Variants in BMAL1 observed in about 807,000 individuals in gnomAD.
The protein encoded by BMAL1 is basic helix-loop-helix ARNT-like protein 1.
the BMAL1 span, among the ~76,000 whole-genome samples, chr11:13,366,412 G>A: frequency 1.3e-3 from 201 of 152,280 alleles, no homozygotes; most frequent in African/African-American, 4.6e-3. Flanking sequence ...TTCCAAGATT[G>A]TTGCCTTAGA....
At chr11:13,378,560 G>T in the BMAL1 span, 1 of 1,415,818 alleles carries the variant, frequency 7.1e-7, no homozygotes, top group Admixed American at 2.3e-5. Context: ...TCACAACTGG[G>T]TGGGAGGTTG....
the BMAL1 span, among the ~76,000 whole-genome samples, chr11:13,288,596 A>G: frequency 6.6e-6 from 1 of 151,720 alleles, no homozygotes; most frequent in African/African-American, 2.4e-5. Flanking sequence ...GGCAATGGAT[A>G]ACCACTGGAT....
chr11:13,376,003 C>T, the BMAL1 span, among the ~76,000 whole-genome samples: 1 of 152,212 alleles, frequency 6.6e-6, no homozygotes, highest in South Asian at 2.1e-4. Flanking sequence ...AGCAACATTT[C>T]CTTCCAGATA....
At chr11:13,294,380 C>T in the BMAL1 span, among the ~76,000 whole-genome samples, 2 of 137,870 alleles carry the variant, frequency 1.5e-5, no homozygotes, top group African/African-American at 2.7e-5. Flanking sequence ...ATTCTCATCT[C>T]CTTCTCTGTG....
the BMAL1 span, among the ~76,000 whole-genome samples, chr11:13,290,775 A>G: frequency 6.6e-6 from 1 of 152,140 alleles, no homozygotes; most frequent in African/African-American, 2.4e-5. Flanking sequence ...TGTAAAAGCC[A>G]TGATTCAAAC....
chr11:13,383,345 G>A, the BMAL1 span, among the ~76,000 whole-genome samples: 1 of 152,166 alleles, frequency 6.6e-6, no homozygotes, highest in African/African-American at 2.4e-5. Flanking sequence ...GGGTCTGCAA[G>A]GTTAAAGCTA....
chr11:13,342,112 G>A, the BMAL1 span, among the ~76,000 whole-genome samples: 1 of 152,256 alleles, frequency 6.6e-6, no homozygotes, highest in East Asian at 1.9e-4. Flanking sequence ...TGTGGCTTCA[G>A]ATCCCATGTG....
the BMAL1 span, among the ~76,000 whole-genome samples, chr11:13,277,436 C>G: frequency 6.6e-6 from 1 of 152,174 alleles, no homozygotes; most frequent in African/African-American, 2.4e-5. Context: ...GGCGAGGAAC[C>G]CAGGGAGCGC....
the BMAL1 span, among the ~76,000 whole-genome samples, chr11:13,325,798 T>C: frequency 6.6e-6 from 1 of 152,176 alleles, no homozygotes. Context: ...TGATGAGGTG[T>C]GTCCCCTCTG....
At chr11:13,316,982 C>T in the BMAL1 span, among the ~76,000 whole-genome samples, 3 of 152,166 alleles carry the variant, frequency 2.0e-5, no homozygotes, top group African/African-American at 7.2e-5. Context: ...CCACCAAGCT[C>T]CCTTAGCCTC....
chr11:13,377,761 C>A, the BMAL1 span, among the ~76,000 whole-genome samples: 1 of 152,202 alleles, frequency 6.6e-6, no homozygotes, highest in Non-Finnish European at 1.5e-5. Context: ...ATGATGAATT[C>A]CTTGGAGGAG....
the BMAL1 span, among the ~76,000 whole-genome samples, chr11:13,280,039 G>A: frequency 2.0e-5 from 3 of 152,134 alleles, no homozygotes; most frequent in Non-Finnish European, 2.9e-5. Flanking sequence ...AAAGTAAGAC[G>A]GTTGAACTAG....
At chr11:13,309,580 G>T in the BMAL1 span, among the ~76,000 whole-genome samples, 1 of 152,232 alleles carries the variant, frequency 6.6e-6, no homozygotes, top group South Asian at 2.1e-4. Context: ...AAGTGAGTAG[G>T]TTATTTTTCC....
At chr11:13,342,251 C>T in the BMAL1 span, among the ~76,000 whole-genome samples, 1 of 152,294 alleles carries the variant, frequency 6.6e-6, no homozygotes, top group Admixed American at 6.5e-5. Context: ...GGCCAGTGAG[C>T]ACGCACTGGG....
At chr11:13,280,859 T>C in the BMAL1 span, among the ~76,000 whole-genome samples, 1 of 152,182 alleles carries the variant, frequency 6.6e-6, no homozygotes, top group Non-Finnish European at 1.5e-5. Flanking sequence ...CTCCTCCCAA[T>C]TCAGAGAAAG....
chr11:13,338,869 C>T, the BMAL1 span, among the ~76,000 whole-genome samples: 179 of 152,364 alleles, frequency 1.2e-3, no homozygotes, highest in African/African-American at 4.1e-3. Context: ...GCTCAGTAAA[C>T]GGGACGTGGT....
chr11:13,284,639 T>G, the BMAL1 span, among the ~76,000 whole-genome samples: 1 of 151,580 alleles, frequency 6.6e-6, no homozygotes, highest in African/African-American at 2.4e-5. Flanking sequence ...GGGTGGGGGA[T>G]GCCTTCGCAT....
At chr11:13,334,724 A>G in the BMAL1 span, among the ~76,000 whole-genome samples, 3 of 152,286 alleles carry the variant, frequency 2.0e-5, no homozygotes, top group East Asian at 5.8e-4. Flanking sequence ...GAAGGATGTG[A>G]TGACCACCTA....
chr11:13,350,358 A>G, the BMAL1 span, among the ~76,000 whole-genome samples: 1 of 152,232 alleles, frequency 6.6e-6, no homozygotes, highest in African/African-American at 2.4e-5. Flanking sequence ...TAATGACAAA[A>G]TAACAATGTC....
Sources: allele counts gnomAD v4.1 joint callset (sites outside exome capture counted in the v4.1 genomes callset), GRCh38; gene constraint gnomAD v4.1.1; transcripts MANE v1.5; gene names NCBI Gene and HGNC (gene_info 2026-07-23, HGNC 2026-07-21).